CNBP: variants seen among roughly 807,000 people sequenced by gnomAD.
The protein encoded by CNBP is CCHC-type zinc finger nucleic acid binding protein.
CNBP carries 6 observed loss-of-function variants against 21.2 expected under a neutral mutation model. The observed-to-expected ratio is 0.28, with a 90% confidence interval of 0.16 to 0.56. The LOEUF is 0.56. CNBP is among the 20% of genes least tolerant of loss of function. CNBP has a pLI of 0.93. For synonymous variants in CNBP, 61 were observed against 74.9 expected, an observed-to-expected ratio of 0.81 and a Z score of 0.96; for missense variants, 112 against 233.1, an observed-to-expected ratio of 0.48 and a Z score of 3.38.
chr3:129,181,370 C>T (rs991481801), intron 1 of CNBP, among the ~76,000 whole-genome samples: 2 of 149,960 alleles, frequency 1.3e-5, no homozygotes, highest in Non-Finnish European at 3.0e-5. Flanking sequence ...TAAGAAAAAC[C>T]TGGCCAGGCG....
At chr3:129,181,239 C>CAAAGAAAAA (rs1938267596) in intron 1 of CNBP, among the ~76,000 whole-genome samples, 1 of 53,162 alleles carries the variant, frequency 1.9e-5, no homozygotes, top group African/African-American at 8.4e-5. Context: ...GACTCTGTCT[C>CAAAGAAAAA]AAAAAAAAAA....
In CNBP at chr3:129,169,050, C is replaced by T. The variant is rs1005827329; in HGVS notation, c.*1403G>A. Among the ~76,000 whole-genome samples the T allele has an allele frequency of 2.0e-5, 3 of 150,756 alleles. No homozygotes were observed. The highest frequency in any genetic ancestry group is 6.6e-5 in the Admixed American group (1 of 15,144). On this transcript the variant is annotated 3_prime_UTR_variant, in exon 5 of 5. Coordinates refer to ENST00000422453, the MANE Select transcript of CNBP (RefSeq NM_003418.5). ...CCAGGAGGCGGAGCTTGCAGTGAGCCGAGATCGCACCACTACACTCCAGCC... is the reference window on the plus strand; with the variant it reads ...CCAGGAGGCGGAGCTTGCAGTGAGCTGAGATCGCACCACTACACTCCAGCC...
In CNBP at chr3:129,178,350, A is replaced by G. The variant is rs189589604; in HGVS notation, c.-15+5426T>C. On this transcript the variant is annotated intron_variant, in intron 1 of 4. Transcript: ENST00000422453. The stretch of plus-strand genomic sequence containing the variant: ...TACTTGTACCATACTATTGATACTA[A>G]AAACAAATATAGTAAACTACTAAAA... Among the ~76,000 whole-genome samples, 32 of 152,256 alleles carry G rather than the reference A, an allele frequency of 2.1e-4. No homozygotes were observed. The East Asian group carries it at 6.2e-3, about 29-fold the overall frequency.
chr3:129,174,367 A>AC (rs1937744401), intron 1 of CNBP, among the ~76,000 whole-genome samples: 2 of 149,580 alleles, frequency 1.3e-5, no homozygotes, highest in East Asian at 1.9e-4. Flanking sequence ...AAAAAAAAAA[A>AC]AAAAAAACGA....
chr3:129,173,626 T>G (rs1018924917), intron 1 of CNBP, among the ~76,000 whole-genome samples: 3 of 152,214 alleles, frequency 2.0e-5, no homozygotes, highest in African/African-American at 7.2e-5. Flanking sequence ...TTTGTACTTA[T>G]GTAACAATCT....
Position 129,170,237 on chromosome 3 carries a change from T to C in CNBP, c.*216A>G, listed in dbSNP as rs1379157124. 3 of 556,876 alleles carry C rather than the reference T, an allele frequency of 5.4e-6. No individual in the cohort carries two copies. In the African/African-American group the frequency reaches 5.6e-5, roughly 10 times the overall value. The allele number at this position is 556,876 out of a possible 1,614,324, so 34.5% of individuals were successfully genotyped here. ...GGAAAGGGGGTTCTTTAACAAAGCA[T>C]TATACATAACACCTCTACCAAACTA... is the stretch of plus-strand genomic sequence containing the variant. On this transcript the variant is annotated 3_prime_UTR_variant, in exon 5 of 5. Coordinates refer to ENST00000422453, the MANE Select transcript of CNBP (RefSeq NM_003418.5).
chr3:129,174,393 C>T (rs971317556), intron 1 of CNBP, among the ~76,000 whole-genome samples: 11 of 135,260 alleles, frequency 8.1e-5, no homozygotes, highest in African/African-American at 1.5e-4. Context: ...GGGCAGGGCA[C>T]GGTGGCTCAC....
intron 1 of CNBP, among the ~76,000 whole-genome samples, chr3:129,172,645 C>G (rs1320603164): frequency 2.8e-5 from 3 of 109,050 alleles, no homozygotes; most frequent in Admixed American, 1.8e-4. Context: ...GGCAGGCAGG[C>G]AGGCAGGCAG....
chr3:129,172,636 G>GGCAGC (rs1937613987), intron 1 of CNBP, among the ~76,000 whole-genome samples: 2 of 46,352 alleles, frequency 4.3e-5, no homozygotes, highest in Admixed American at 4.1e-4. Flanking sequence ...AGGCAGGCAG[G>GGCAGC]CAGGCAGGCA....
intron 2 of CNBP, 43 bp downstream of exon 2, chr3:129,171,591 A>C (rs751743604): frequency 6.2e-7 from 1 of 1,614,140 alleles, no homozygotes; most frequent in Non-Finnish European, 8.5e-7. Flanking sequence ...CTTGATACTA[A>C]CAAATACTGA....
chr3:129,181,255 A>G (rs1481615058), intron 1 of CNBP, among the ~76,000 whole-genome samples: 1 of 150,560 alleles, frequency 6.6e-6, no homozygotes, highest in East Asian at 1.9e-4. Flanking sequence ...AAAAAAAAAA[A>G]AAAAAAAAAA....
chr3:129,170,814 G>T lies in CNBP; in HGVS notation c.417-244C>A, dbSNP rs149283746. Among the ~76,000 whole-genome samples the T allele has an allele frequency of 4.5e-4, 69 of 152,258 alleles. 3 individuals carry two copies. In the East Asian group the frequency reaches 0.013, roughly 29 times the overall value. ...TACAGAGCTTTCTATGAAGTCTCTG[G>T]AAGTTTCAAATTATAACACTCTTAC... On this transcript the variant is annotated intron_variant, in intron 4 of 4. Coordinates refer to ENST00000422453, the MANE Select transcript of CNBP (RefSeq NM_003418.5).
Position 129,169,522 on chromosome 3 carries a change from T to C in CNBP, c.*931A>G. The C allele has an allele frequency of 9.8e-6, 2 of 203,202 alleles. No individual in the cohort carries two copies. The highest frequency in any genetic ancestry group is 2.0e-5 in the Non-Finnish European group (2 of 98,784). The allele number at this position is 203,202 out of a possible 1,614,324, so 12.6% of individuals were successfully genotyped here. On this transcript the variant is annotated 3_prime_UTR_variant, in exon 5 of 5. Coordinates refer to ENST00000422453, the MANE Select transcript of CNBP (RefSeq NM_003418.5). ...CATTCCCCTCTTTAATATGGTATTT[T>C]GCACTATATACATTAATGAAAATTT... is the stretch of plus-strand genomic sequence containing the variant.
intron 1 of CNBP, among the ~76,000 whole-genome samples, chr3:129,177,760 C>T (rs1296497412): frequency 6.6e-6 from 1 of 152,108 alleles, no homozygotes; most frequent in Non-Finnish European, 1.5e-5. Flanking sequence ...GATATTTGTC[C>T]TAAGTTTCCA....
At chr3:129,172,013 T>C (rs758665328) in intron 1 of CNBP, among the ~76,000 whole-genome samples, 31 of 151,128 alleles carry the variant, frequency 2.1e-4, no homozygotes, top group Non-Finnish European at 3.5e-4. Context: ...CTACGAAAAA[T>C]ACAAAAAATT....
intron 1 of CNBP, among the ~76,000 whole-genome samples, chr3:129,177,908 C>G (rs528143266): frequency 6.6e-6 from 1 of 152,102 alleles, no homozygotes; most frequent in Non-Finnish European, 1.5e-5. Flanking sequence ...ACCTCTAATC[C>G]CAGCATTTTG....
chr3:129,170,851 A>G (rs1161753101), intron 4 of CNBP, among the ~76,000 whole-genome samples: 1 of 152,232 alleles, frequency 6.6e-6, no homozygotes, highest in Non-Finnish European at 1.5e-5. Context: ...TTTATATATT[A>G]AAAAAGTCCA....
intron 1 of CNBP, among the ~76,000 whole-genome samples, chr3:129,182,551 G>A (rs184521242): frequency 6.6e-6 from 1 of 152,276 alleles, no homozygotes; most frequent in Admixed American, 6.5e-5. Flanking sequence ...TCTAAAACAG[G>A]TTCTCACGAT....
chr3:129,183,291 C>T (rs1436201812), intron 1 of CNBP, among the ~76,000 whole-genome samples: 1 of 152,148 alleles, frequency 6.6e-6, no homozygotes, highest in Non-Finnish European at 1.5e-5. Flanking sequence ...GGCACATGGC[C>T]CGCCAGGCGC....
Sources: allele counts gnomAD v4.1 joint callset (sites outside exome capture counted in the v4.1 genomes callset), GRCh38; gene constraint gnomAD v4.1.1; transcripts MANE v1.5; gene names NCBI Gene and HGNC (gene_info 2026-07-23, HGNC 2026-07-21).